ZNF43: variants seen among roughly 807,000 people sequenced by gnomAD.
The protein encoded by ZNF43 is zinc finger protein 39-like 1 (KOX 27).
ZNF43 carries 44 observed loss-of-function variants against 68.4 expected under a neutral mutation model. The ratio of observed to expected loss-of-function variants is 0.64; its 90% CI spans 0.51 to 0.83. The LOEUF (loss-of-function observed/expected upper bound fraction) is 0.83. Ranked by LOEUF, ZNF43 falls within the 40% of genes least tolerant of loss-of-function variation. The pLI, the probability that ZNF43 is intolerant of heterozygous loss-of-function variation, is 0.00. For missense variants in ZNF43, 896 were observed against 933.2 expected, an observed-to-expected ratio of 0.96 and a Z score of 0.52; for synonymous variants, 308 against 307.8, an observed-to-expected ratio of 1.00 and a Z score of -0.01.
intron 1 of ZNF43, among the ~76,000 whole-genome samples, chr19:21,822,307 C>A (rs2037889142): frequency 2.5e-4 from 19 of 75,322 alleles, no homozygotes. Flanking sequence ...AAACTTAACT[C>A]TTGTGTATGT....
chr19:21,852,021 C>G, exon 1 of ZNF43: 1 of 1,447,554 alleles, frequency 6.9e-7, no homozygotes, highest in Non-Finnish European at 9.3e-7. Flanking sequence ...TTGGAGAACG[C>G]GGAAAAGCAG....
At chr19:21,838,337 T>TA (rs375370563), upstream of ZNF43, among the ~76,000 whole-genome samples, 2 of 151,588 alleles carry the variant, frequency 1.3e-5, no homozygotes, top group Admixed American at 6.6e-5. Flanking sequence ...TAGAGGTTAA[T>TA]AAAAAAAACT....
At chr19:21,824,102 C>T (rs994942530) in intron 1 of ZNF43, among the ~76,000 whole-genome samples, 2 of 152,078 alleles carry the variant, frequency 1.3e-5, no homozygotes, top group Non-Finnish European at 2.9e-5. Context: ...GGGAGAATGA[C>T]ATGAACCCGG....
rs769092315 is a variant in ZNF43, at chr19:21,836,025, G to C, written c.3+11C>G. ...CTTCCCCCTCTCGGGATGTCGGACC[G>C]GCACTCTCACCATTTCTAGGCTTCC... On this transcript the variant is annotated intron_variant, in intron 1 of 3. Transcript: ENST00000354959. 5 of 1,613,942 alleles carry C rather than the reference G, an allele frequency of 3.1e-6. No individual in the cohort carries two copies. In the East Asian group the frequency reaches 8.9e-5, roughly 29 times the overall value.
At chr19:21,825,091 G>A (rs944865948) in intron 1 of ZNF43, among the ~76,000 whole-genome samples, 5 of 152,162 alleles carry the variant, frequency 3.3e-5, no homozygotes, top group East Asian at 3.9e-4. Context: ...AAAATTAGCC[G>A]GGCATGTTGG....
At chr19:21,847,167 A>T (rs1302297522) in intron 1 of ZNF43, among the ~76,000 whole-genome samples, 1 of 152,122 alleles carries the variant, frequency 6.6e-6, no homozygotes, top group African/African-American at 2.4e-5. Flanking sequence ...AATGTGCCTC[A>T]ATTTTCCCTG....
intron 1 of ZNF43, among the ~76,000 whole-genome samples, chr19:21,835,443 C>T (rs2038670413): frequency 6.8e-6 from 1 of 147,796 alleles, no homozygotes; most frequent in African/African-American, 2.5e-5. Context: ...CTGCATCCTC[C>T]GCCTCCTGGG....
chr19:21,851,710 A>T (rs902251007), intron 1 of ZNF43, among the ~76,000 whole-genome samples: 1 of 152,184 alleles, frequency 6.6e-6, no homozygotes, highest in Non-Finnish European at 1.5e-5. Flanking sequence ...AGAGAGCTCC[A>T]GACAGGGTAC....
At chr19:21,818,707 A>G (rs1354824203) in intron 2 of ZNF43, among the ~76,000 whole-genome samples, 2 of 152,226 alleles carry the variant, frequency 1.3e-5, no homozygotes, top group Non-Finnish European at 2.9e-5. Context: ...GGAGTAAGCC[A>G]CCATGCCTGG....
Position 21,834,037 on chromosome 19 carries a change from C to T in ZNF43, c.3+1999G>A, listed in dbSNP as rs191029713. Among the ~76,000 whole-genome samples the T allele has an allele frequency of 5.3e-4, 79 of 148,906 alleles. 1 individual carries two copies. The highest frequency in any genetic ancestry group is 1.8e-3 in the African/African-American group (74 of 40,400). ...AGCTAAACTCCATCTTAAGGCGGGG[C>T]GGGGGAAAAAAAAGAGTCCTGTGCC... On this transcript the variant is annotated intron_variant, in intron 1 of 3. Transcript: ENST00000354959.
At chr19:21,824,166 G>T (rs568616131) in intron 1 of ZNF43, among the ~76,000 whole-genome samples, 1 of 152,118 alleles carries the variant, frequency 6.6e-6, no homozygotes, top group South Asian at 2.1e-4. Context: ...AGCCCAGGGC[G>T]ACAGTGAGAC....
chr19:21,845,429 C>T (rs747795214), intron 1 of ZNF43: 5 of 152,022 alleles, frequency 3.3e-5, no homozygotes, highest in East Asian at 1.9e-4. Context: ...ATGAGAGTTA[C>T]GTCATCTAGG....
At chr19:21,810,502 T>A (rs2037224125) in intron 3 of ZNF43, among the ~76,000 whole-genome samples, 1 of 152,216 alleles carries the variant, frequency 6.6e-6, no homozygotes, top group Non-Finnish European at 1.5e-5. Context: ...TACTGCAGCA[T>A]GAGGTTTGGA....
At chr19:21,843,503 G>C (rs1288689485) in intron 1 of ZNF43, among the ~76,000 whole-genome samples, 1 of 152,128 alleles carries the variant, frequency 6.6e-6, no homozygotes, top group Non-Finnish European at 1.5e-5. Context: ...TAAAATCATA[G>C]CCTTGGCCAG....
rs1448201543 is a variant in ZNF43, at chr19:21,806,575, T to A, written c.*1032A>T. The stretch of plus-strand genomic sequence containing the variant: ...GTGCAGCAACAATTGGTCACATGCT[T>A]TCACATGTGAATATAGCAGGAATGA... On this transcript the variant is annotated 3_prime_UTR_variant, in exon 4 of 4. Coordinates refer to ENST00000354959, the MANE Select transcript of ZNF43 (RefSeq NM_003423.4). The A allele has an allele frequency of 6.6e-6, 1 of 152,206 alleles. No individual in the cohort carries two copies. The highest frequency in any genetic ancestry group is 2.4e-5 in the African/African-American group (1 of 41,462). 9.4% of individuals were successfully genotyped at this position (152,206 alleles called of 1,614,324 possible).
intron 3 of ZNF43, among the ~76,000 whole-genome samples, chr19:21,811,108 G>A (rs766177036): frequency 1.7e-4 from 26 of 152,138 alleles, no homozygotes; most frequent in South Asian, 4.1e-4. Flanking sequence ...CTCAAGGACC[G>A]AAGAATTTAA....
chr19:21,820,348 G>C (rs567366427), intron 1 of ZNF43, among the ~76,000 whole-genome samples: 22 of 117,400 alleles, frequency 1.9e-4, no homozygotes, highest in Admixed American at 1.0e-3. Context: ...GGGAGGTCAA[G>C]GTGGGTGGAT....
chr19:21,849,705 A>G (rs1227972174), intron 1 of ZNF43, among the ~76,000 whole-genome samples: 2 of 151,798 alleles, frequency 1.3e-5, no homozygotes, highest in Admixed American at 6.6e-5. Context: ...TTGCACCACT[A>G]CACTCCAGCC....
At chr19:21,844,921 A>AAAAAAAAAAT (rs1310761266) in intron 1 of ZNF43, among the ~76,000 whole-genome samples, 4 of 26,050 alleles carry the variant, frequency 1.5e-4, no homozygotes, top group Admixed American at 7.3e-4. Flanking sequence ...AAAAAAAAAA[A>AAAAAAAAAAT]ATATATATAT....
Sources: gnomAD v4.1 joint callset for allele counts (sites outside exome capture counted in the v4.1 genomes callset) on GRCh38, gnomAD v4.1.1 for gene constraint, MANE v1.5 for transcripts, NCBI Gene and HGNC (gene_info 2026-07-23, HGNC 2026-07-21) for gene names.